The following PARP4 variants were observed in gnomAD, a reference collection of about 807,000 sequenced individuals.
The protein encoded by PARP4 is protein mono-ADP-ribosyltransferase PARP4.
A neutral mutation model predicts 187.7 loss-of-function variants in PARP4; 120 were observed. The ratio of observed to expected loss-of-function variants is 0.64; its 90% CI spans 0.55 to 0.74. The LOEUF (loss-of-function observed/expected upper bound fraction) is 0.74, where lower values mean the gene tolerates loss of function less well. PARP4 is among the 30% of genes least tolerant of loss of function. The pLI is 0.00. For synonymous variants in PARP4, 654 were observed against 740.9 expected (o/e 0.88, Z 1.90); for missense variants, 1,836 against 2,070.5 (o/e 0.89, Z 2.20).
chr13:24,431,568 G>T, intron 31 of PARP4, 92 bp from the exon 32 acceptor site: 1 of 801,020 alleles, frequency 1.2e-6, no homozygotes, highest in Non-Finnish European at 2.1e-6. Context: ...GGCAAGGGTT[G>T]AAAAACATAT....
intron 16 of PARP4, among the ~76,000 whole-genome samples, chr13:24,469,605 C>G (rs561568041): frequency 6.6e-6 from 1 of 152,166 alleles, no homozygotes; most frequent in South Asian, 2.1e-4. Context: ...CCACTGCACC[C>G]GGCCCTCTTT....
intron 30 of PARP4, among the ~76,000 whole-genome samples, chr13:24,436,965 G>A (rs536291152): frequency 3.5e-4 from 54 of 152,192 alleles, no homozygotes; most frequent in African/African-American, 1.3e-3. Flanking sequence ...AAAAATTAGA[G>A]AAGCAAACTG....
chr13:24,478,253 G>C lies in PARP4; in HGVS notation c.1472C>G (p.Pro491Arg), dbSNP rs1325704546. 1.2e-6 allele frequency: 2 copies of C among 1,610,320 alleles called. No individual in the cohort carries two copies. Among genetic ancestry groups the C allele is most frequent in the East Asian group, 4.5e-5 (2 of 44,808 alleles). The change falls in exon 13 of 34, where the codon CCG (proline) becomes CGG (arginine). Residue 491 changes from proline (P) to arginine (R), a missense_variant. Physicochemically the swap from Pro to Arg is moderately radical, Grantham distance 103 (BLOSUM62 -2). Coordinates refer to ENST00000381989, the MANE Select transcript of PARP4 (RefSeq NM_006437.4). ...GAGTCTGGTGCCATCTGTCTCTCCC[G>C]GGTGTGAGTACTTGATACTTGTACT... ...SLSTSIKYSH[P>R]GETDGTRLLL...
intron 23 of PARP4, among the ~76,000 whole-genome samples, chr13:24,452,892 T>G (rs1248056460): frequency 6.6e-6 from 1 of 152,198 alleles, no homozygotes; most frequent in Non-Finnish European, 1.5e-5. Context: ...CTGAGGCAGC[T>G]GGTCAGTCTC....
chr13:24,477,978 A>T, intron 13 of PARP4, 115 bp downstream of exon 13: 1 of 1,068,168 alleles, frequency 9.4e-7, no homozygotes, highest in African/African-American at 1.6e-5. Context: ...TTCATGCAGT[A>T]AATATATAAC....
intron 20 of PARP4, 44 bp downstream of exon 20, chr13:24,459,000 T>A: frequency 7.7e-7 from 1 of 1,293,754 alleles, no homozygotes; most frequent in Middle Eastern, 2.1e-4. Context: ...AAGATAAAAG[T>A]AGTGTTAAAA....
intron 21 of PARP4, 51 bp from the exon 22 acceptor site, chr13:24,455,263 C>G (rs7317188): frequency 0.34 from 466,770 of 1,381,292 alleles, 80,717 homozygotes; most frequent in Middle Eastern, 0.43. Context: ...ACTTCAACTG[C>G]AAAAGGTCTA....
chr13:24,459,490 C>A, intron 18 of PARP4, 180 bp from the exon 19 acceptor site: 9 of 506,708 alleles, frequency 1.8e-5, no homozygotes, highest in Middle Eastern at 5.7e-4. Context: ...TACAACTCAC[C>A]ATTTTGACAG....
At chr13:24,494,753 G>A (rs765596770) in intron 6 of PARP4, 31 bp from the exon 7 acceptor site, 1 of 1,504,350 alleles carries the variant, frequency 6.6e-7, no homozygotes, top group South Asian at 1.3e-5. Flanking sequence ...CAAAAGTACA[G>A]TCATTATTTA....
At position 24,460,049 on chromosome 13, in the gene PARP4, C is replaced by T; in HGVS notation, c.2221G>A (p.Gly741Ser). 1.2e-6 allele frequency: 2 copies of T among 1,613,944 alleles called. No individual in the cohort carries two copies. The highest frequency in any genetic ancestry group is 1.7e-6 in the Non-Finnish European group (2 of 1,179,934). Residue 741 changes from glycine (G) to serine (S), a missense_variant, in exon 18 of 34, where the codon GGC (glycine) becomes AGC (serine). Coordinates refer to ENST00000381989, the MANE Select transcript of PARP4 (RefSeq NM_006437.4). ...ITYITELSIL[G>S]TVGVFFMPAT... The stretch of plus-strand genomic sequence containing the variant: ...GGCATGAAAAAGACACCAACAGTGC[C>T]CAGGATGCTGAGTTCTGTGATGTAG...
intron 25 of PARP4, 46 bp from the exon 26 acceptor site, chr13:24,447,232 A>C: frequency 7.2e-7 from 1 of 1,387,200 alleles, no homozygotes; most frequent in South Asian, 1.4e-5. Context: ...CTCCATCCAG[A>C]AAATAGTTAC....
At chr13:24,504,439 G>A (rs1468948775) in intron 1 of PARP4, among the ~76,000 whole-genome samples, 3 of 142,534 alleles carry the variant, frequency 2.1e-5, no homozygotes, top group African/African-American at 7.8e-5. Context: ...TCAGCCTCCC[G>A]AGTAGCTGGG....
At chr13:24,429,041 G>T (rs951311568) in intron 32 of PARP4, among the ~76,000 whole-genome samples, 13 of 151,764 alleles carry the variant, frequency 8.6e-5, no homozygotes, top group African/African-American at 3.1e-4. Flanking sequence ...TTCAGTTTAG[G>T]TAAGTTTATT....
chr13:24,477,609 T>C (rs370938902), intron 14 of PARP4, 92 bp downstream of exon 14: 16 of 772,866 alleles, frequency 2.1e-5, no homozygotes, highest in Middle Eastern at 3.3e-4. Flanking sequence ...GTCATAGATA[T>C]AACAAATGCA....
At position 24,477,761 on chromosome 13, in the gene PARP4, T is replaced by C. The variant is rs901620308; in HGVS notation, c.1729A>G (p.Ser577Gly). The C allele has an allele frequency of 6.3e-7, 1 of 1,590,846 alleles. No homozygotes were observed. The highest frequency in any genetic ancestry group is 1.3e-5 in the African/African-American group (1 of 74,426). ...TATTCCTCTAATTCAGTATGATCAC[T>C]AGGATGAAAGTCCTTTATCTGATCT... ...PGDQIKDFHPSDHTELEEYRP... is the reference protein window; with the variant it reads ...PGDQIKDFHPGDHTELEEYRP... Residue 577 changes from serine (S) to glycine (G), a missense_variant, in exon 14 of 34, where the codon AGT (serine) becomes GGT (glycine). Ser to Gly is a moderately conservative substitution (Grantham distance 56). Transcript: ENST00000381989.
intron 12 of PARP4, among the ~76,000 whole-genome samples, chr13:24,484,195 C>G (rs986945565): frequency 7.9e-5 from 12 of 152,136 alleles, no homozygotes; most frequent in African/African-American, 2.9e-4. Context: ...TGGGGTTCTT[C>G]TCACTGTGTT....
At chr13:24,506,395 G>T (rs1869681595) in intron 1 of PARP4, among the ~76,000 whole-genome samples, 1 of 152,134 alleles carries the variant, frequency 6.6e-6, no homozygotes, top group African/African-American at 2.4e-5. Flanking sequence ...CAGCGTGGAA[G>T]AGGACCCCAG....
In PARP4 at chr13:24,460,070, T is replaced by G. The variant is rs769619548; in HGVS notation, c.2200A>C (p.Ile734Leu). ...GTGCCCAGGATGCTGAGTTCTGTGA[T>G]GTAGGTAATTTTTATAAGAACCTTA... is the stretch of plus-strand genomic sequence containing the variant. ...KAKVLIKITY[I>L]TELSILGTVG... The change falls in exon 18 of 34, where the codon ATC (isoleucine) becomes CTC (leucine). Residue 734 changes from isoleucine to leucine, a missense_variant. By Grantham distance (5) the Ile-to-Leu change is conservative. Transcript: ENST00000381989. 1 of 1,614,078 alleles carries G rather than the reference T, an allele frequency of 6.2e-7. No individual in the cohort carries two copies. Among genetic ancestry groups the G allele is most frequent in the East Asian group, 2.2e-5 (1 of 44,872 alleles).
intron 19 of PARP4, 21 bp downstream of exon 19, chr13:24,459,243 T>G (rs986561432): frequency 3.1e-6 from 5 of 1,589,492 alleles, no homozygotes; most frequent in Non-Finnish European, 4.3e-6. Flanking sequence ...AATTGACAGG[T>G]TTTATATTTT....
Sources: allele counts gnomAD v4.1 joint callset (sites outside exome capture counted in the v4.1 genomes callset), GRCh38; gene constraint gnomAD v4.1.1; transcripts MANE v1.5; gene names NCBI Gene and HGNC (gene_info 2026-07-23, HGNC 2026-07-21).